The following RNF213 variants were observed in gnomAD, a reference collection of about 807,000 sequenced individuals.
RNF213 encodes the protein E3 ubiquitin-protein ligase RNF213.
A neutral mutation model predicts 514.4 loss-of-function variants in RNF213; 341 were observed. The ratio of observed to expected loss-of-function variants is 0.66; its 90% CI spans 0.61 to 0.73. The LOEUF is 0.73. Ranked by LOEUF, RNF213 falls within the 30% of genes least tolerant of loss-of-function variation. The probability of loss-of-function intolerance (pLI) is 0.00; values close to 1 mark genes in which losing one functional copy is unlikely to be tolerated. For missense variants in RNF213, 5,767 were observed against 6,615.6 expected (o/e 0.87, Z 4.45); for synonymous variants, 2,655 against 2,658.2 (o/e 1.00, Z 0.04).
Position 80,339,416 on chromosome 17 carries a change from C to T in RNF213, c.5049C>T (p.Phe1683=). The stretch of plus-strand genomic sequence containing the variant: ...CCCTCTGCAGGCAGATGGAGCACTT[C>T]CTTGACAGCTGGAAGAGATTTGTGA... ...LAALCRQMEH[F]LDSWKRFVTQ... is the part of the protein sequence containing the mutation. The change falls in exon 26 of 68, where the codon TTC becomes TTT. Residue 1683 remains phenylalanine (F), a synonymous_variant. Coordinates refer to ENST00000582970, the MANE Select transcript of RNF213 (RefSeq NM_001256071.3). 1 of 1,537,254 alleles carries T rather than the reference C, an allele frequency of 6.5e-7. No homozygotes were observed. The highest frequency in any genetic ancestry group is 8.7e-7 in the Non-Finnish European group (1 of 1,146,896).
chr17:80,393,263 G>A, intron 67 of RNF213, 82 bp from the exon 68 acceptor site: 2 of 1,142,020 alleles, frequency 1.8e-6, no homozygotes, highest in South Asian at 1.2e-5. Flanking sequence ...TTACACACGT[G>A]AGCCACACAG....
In RNF213 at chr17:80,398,245, T is replaced by C. The variant is rs537770104; in HGVS notation, c.*4747T>C. ...TTTGATTTTGGTTTGGTGTAAACTG[T>C]AAAAGTGTGTGTGTGCCCTTTTTAC... On this transcript the variant is annotated 3_prime_UTR_variant, in exon 68 of 68. Transcript: ENST00000582970. 3 of 152,304 alleles carry C rather than the reference T, an allele frequency of 2.0e-5. No individual in the cohort carries two copies. In the South Asian group the frequency reaches 6.2e-4, roughly 32 times the overall value. 9.4% of individuals were successfully genotyped at this position (152,304 alleles called of 1,614,324 possible).
intron 60 of RNF213, 104 bp from the exon 61 acceptor site, chr17:80,385,434 C>A: frequency 1.9e-6 from 2 of 1,072,526 alleles, no homozygotes; most frequent in Non-Finnish European, 2.8e-6. Flanking sequence ...TGTGACTGCA[C>A]AAAGCAGGAA....
chr17:80,263,540 G>A lies in RNF213; in HGVS notation c.-108-34G>A, dbSNP rs943745111. 1.2e-5 allele frequency: 9 copies of A among 741,384 alleles called. No homozygotes were observed. In the African/African-American group the frequency reaches 1.6e-4, roughly 13 times the overall value. The allele number at this position is 741,384 out of a possible 1,614,324, so 45.9% of individuals were successfully genotyped here. On this transcript the variant is annotated intron_variant, in intron 1 of 67. Transcript: ENST00000582970. This position sits in a 1 kb window ranked among gnomAD's most constrained non-coding sequence, Gnocchi z 4.9. ...CCTGTTGGGTTTCCATTAACCAGGG[G>A]ACCAGCTGGGCTGCTGTGATTTCAC...
chr17:80,334,065 G>T (rs963954614), intron 21 of RNF213, 40 bp from the exon 22 acceptor site: 1 of 1,536,678 alleles, frequency 6.5e-7, no homozygotes, highest in Middle Eastern at 1.7e-4. Context: ...TGGGGTTCTG[G>T]TTAATGAGTT....
chr17:80,314,209 T>C, intron 15 of RNF213, among the ~76,000 whole-genome samples: 1 of 122,584 alleles, frequency 8.2e-6, no homozygotes, highest in Non-Finnish European at 1.7e-5. Flanking sequence ...GTGGAGGTAA[T>C]GGAGGTGATG....
chr17:80,312,895 G>A (rs925557254), intron 14 of RNF213, 117 bp from the exon 15 acceptor site: 21 of 1,155,832 alleles, frequency 1.8e-5, no homozygotes, highest in South Asian at 1.3e-4. Flanking sequence ...TCCCTCCATC[G>A]TAGCCACTCC....
intron 26 of RNF213, chr17:80,341,739 T>C (rs1204635286): frequency 6.6e-6 from 1 of 152,140 alleles, no homozygotes; most frequent in Non-Finnish European, 1.5e-5. Context: ...CCTTGGTCTT[T>C]TAAAAAAAGA....
intron 37 of RNF213, among the ~76,000 whole-genome samples, chr17:80,358,780 G>A (rs1176098638): frequency 4.6e-5 from 7 of 152,120 alleles, no homozygotes; most frequent in Non-Finnish European, 8.8e-5. Context: ...GTGGTGGCGC[G>A]TGCCTGTATT....
rs1599054260 is a variant in RNF213, at chr17:80,338,659, G to A, written c.4834-542G>A. 3.5e-5 allele frequency among the ~76,000 whole-genome samples: 5 copies of A among 142,278 alleles called. No homozygotes were observed. In the East Asian group the frequency reaches 8.1e-4, roughly 23 times the overall value. The allele number at this position is 142,278 out of a possible 152,430, so 93.3% of individuals were successfully genotyped here. Reference sequence around the variant, plus strand: ...TTTTTTTTCCCAATTAAAAAAAAAAGATAATTTAAAAAAATTAAAACAGTC... The same window carrying A: ...TTTTTTTTCCCAATTAAAAAAAAAAAATAATTTAAAAAAATTAAAACAGTC... On this transcript the variant is annotated intron_variant, in intron 25 of 67. Coordinates refer to ENST00000582970, the MANE Select transcript of RNF213 (RefSeq NM_001256071.3).
rs1402207165 is a variant in RNF213 at position 80,346,150 on chromosome 17, C to T, written c.7815C>T (p.Ile2605=). ...QQIVQRLVES[I]SLDENGTRVI... is the part of the protein sequence containing the mutation. ...TTGTCCAGAGACTGGTTGAGTCCAT[C>T]AGCCTAGATGAAAACGGGACTCGCG... The change falls in exon 29 of 68, where the codon ATC becomes ATT. Residue 2605 remains isoleucine (I), a synonymous_variant. Transcript: ENST00000582970. The surrounding 1 kb of genome is among the most constrained non-coding windows in gnomAD (Gnocchi z 8.1). 1.9e-6 allele frequency: 3 copies of T among 1,614,072 alleles called. No individual in the cohort carries two copies. The African/African-American group carries it at 4.0e-5, about 22-fold the overall frequency.
At chr17:80,303,411 C>T (rs1436647423) in intron 11 of RNF213, among the ~76,000 whole-genome samples, 1 of 152,124 alleles carries the variant, frequency 6.6e-6, no homozygotes, top group African/African-American at 2.4e-5. Context: ...CAGAGCCTGC[C>T]AAATGCCAAA....
At position 80,373,050 on chromosome 17, in the gene RNF213, G is replaced by C. The variant is rs764077430; in HGVS notation, c.12827G>C (p.Arg4276Pro). 1 of 1,613,878 alleles carries C rather than the reference G, an allele frequency of 6.2e-7. No individual in the cohort carries two copies. Among genetic ancestry groups the C allele is most frequent in the East Asian group, 2.2e-5 (1 of 44,872 alleles). Residue 4276 changes from arginine to proline, a missense_variant, in exon 49 of 68, where the codon CGG becomes CCG. Physicochemically the swap from Arg to Pro is moderately radical, Grantham distance 103 (BLOSUM62 -2). Transcript: ENST00000582970. ...FCIRVENDWH[R>P]VYLVRKLSSQ... Reference sequence around the variant, plus strand: ...ATCCGGGTGGAGAACGACTGGCACCGGGTGTACCTGGTGCGGAAGCTCAGC... The same window carrying C: ...ATCCGGGTGGAGAACGACTGGCACCCGGTGTACCTGGTGCGGAAGCTCAGC...
At chr17:80,341,409 A>G (rs183573969) in intron 26 of RNF213, 1 of 152,210 alleles carries the variant, frequency 6.6e-6, no homozygotes, top group African/African-American at 2.4e-5. Context: ...TGTTGACTTT[A>G]TCCTATCAAC....
chr17:80,269,149 C>T (rs2043710373), intron 2 of RNF213, among the ~76,000 whole-genome samples: 1 of 152,132 alleles, frequency 6.6e-6, no homozygotes, highest in African/African-American at 2.4e-5. Context: ...TTGTTCTAGC[C>T]ACGCTGGCAG....
At chr17:80,320,111 AC>A in intron 17 of RNF213, 1 of 674,762 alleles carries the variant, frequency 1.5e-6, no homozygotes, top group Non-Finnish European at 1.8e-6. Context: ...TACAGTCATC[AC>A]CACAGTTAAT....
chr17:80,351,484 T>C (rs1371823809), intron 31 of RNF213, among the ~76,000 whole-genome samples: 1 of 152,214 alleles, frequency 6.6e-6, no homozygotes, highest in East Asian at 1.9e-4. Flanking sequence ...AGAAGATTTC[T>C]CATCCCCTTG....
Position 80,288,041 on chromosome 17 carries a change from T to G in RNF213, c.488T>G (p.Leu163Arg). ...ACCACGCCACTGGAGGGTGACGGCC[T>G]CTCCGCGCCCACCGAGGTTGGCGAC... ...TATTPLEGDG[L>R]SAPTEVGDSP... The change falls in exon 4 of 68, where the codon CTC (leucine) becomes CGC (arginine). Residue 163 changes from leucine (L) to arginine (R), a missense_variant. Leu to Arg is a moderately radical substitution (Grantham distance 102, BLOSUM62 -2). This residue lies in a region of RNF213 where 509 missense variants were observed against 496.7 expected (regional missense o/e 1.02). Transcript: ENST00000582970. This position sits in a 1 kb window ranked among gnomAD's most constrained non-coding sequence, Gnocchi z 4.9. 6.2e-7 allele frequency: 1 copy of G among 1,601,698 alleles called. No homozygotes were observed. Among genetic ancestry groups the G allele is most frequent in the South Asian group, 1.1e-5 (1 of 89,814 alleles).
chr17:80,359,765 A>T (rs934914677), intron 37 of RNF213, among the ~76,000 whole-genome samples: 1 of 152,202 alleles, frequency 6.6e-6, no homozygotes, highest in Non-Finnish European at 1.5e-5. Flanking sequence ...TCAAAGCCAG[A>T]CAGGTTCAGG....
Sources: allele counts gnomAD v4.1 joint callset (sites outside exome capture counted in the v4.1 genomes callset), GRCh38; gene constraint gnomAD v4.1.1; regional missense constraint gnomAD v4.1.1; non-coding constraint Gnocchi (gnomAD v3.1); transcripts MANE v1.5; gene names NCBI Gene and HGNC (gene_info 2026-07-23, HGNC 2026-07-21).